The following GAREM1 variants were observed in gnomAD, a reference collection of about 807,000 sequenced individuals.
The protein encoded by GAREM1 is GRB2-associated and regulator of MAPK protein 1.
In GAREM1, 26 loss-of-function variants were observed where a neutral mutation model predicts 71.3. The observed-to-expected ratio is 0.36, with a 90% CI of 0.27 to 0.51. The LOEUF (loss-of-function observed/expected upper bound fraction) is 0.51. Ranked by LOEUF, GAREM1 falls within the 20% of genes least tolerant of loss-of-function variation. The pLI is 0.95. For synonymous variants in GAREM1, 440 were observed against 433.2 expected (o/e 1.02, Z -0.20); for missense variants, 1,026 against 1,103.1 (o/e 0.93, Z 0.99).
chr18:32,402,291 T>C (rs2048322491), intron 1 of GAREM1, among the ~76,000 whole-genome samples: 2 of 152,172 alleles, frequency 1.3e-5, no homozygotes, highest in South Asian at 4.1e-4. Context: ...TTCTGGGATA[T>C]GCTTGGATTT....
Position 32,428,947 on chromosome 18 carries a change from A to G in GAREM1, c.122-35912T>C, listed in dbSNP as rs545748177. 2.0e-5 allele frequency among the ~76,000 whole-genome samples: 3 copies of G among 148,070 alleles called. No individual in the cohort carries two copies. The East Asian group carries it at 5.9e-4, about 29-fold the overall frequency. Reference sequence around the variant, plus strand: ...CAGTAGTTCAAGTTTTTTTTTTTGTATCATCTGCAAAGCCTTAGCAAAATT... The same window carrying G: ...CAGTAGTTCAAGTTTTTTTTTTTGTGTCATCTGCAAAGCCTTAGCAAAATT... On this transcript the variant is annotated intron_variant, in intron 1 of 5. Transcript: ENST00000269209.
intron 1 of GAREM1, among the ~76,000 whole-genome samples, chr18:32,442,005 T>C (rs1256897735): frequency 6.8e-6 from 1 of 146,536 alleles, no homozygotes; most frequent in East Asian, 2.4e-4. Flanking sequence ...TTTTTTTTTT[T>C]TACAGGAAAA....
Position 32,264,922 on chromosome 18 carries a change from T to G in GAREM1, c.*2949A>C, listed in dbSNP as rs34487513. 6.6e-6 allele frequency: 1 copy of G among 152,248 alleles called. No homozygotes were observed. The highest frequency in any genetic ancestry group is 2.4e-5 in the African/African-American group (1 of 41,470). 9.4% of individuals were successfully genotyped at this position (152,248 alleles called of 1,614,324 possible). A position where few individuals can be genotyped will look rare whatever the true frequency, so the allele number is the denominator to read the frequency against. ...AGATAGACACTTCCTCTCTTTTGAT[T>G]ACAGGGGACCTGCCAGAGGAGATAA... is the stretch of plus-strand genomic sequence containing the variant. On this transcript the variant is annotated 3_prime_UTR_variant, in exon 6 of 6. Transcript: ENST00000269209.
intron 2 of GAREM1, among the ~76,000 whole-genome samples, chr18:32,376,731 G>A (rs2048033515): frequency 6.6e-6 from 1 of 152,210 alleles, no homozygotes; most frequent in Non-Finnish European, 1.5e-5. Context: ...CCAGCTACTT[G>A]GGAGGGTGAG....
intron 2 of GAREM1, among the ~76,000 whole-genome samples, chr18:32,340,909 T>C (rs2047641312): frequency 6.6e-6 from 1 of 152,144 alleles, no homozygotes; most frequent in South Asian, 2.1e-4. Flanking sequence ...GTGTGTTACA[T>C]GCCCTTGCTT....
intron 4 of GAREM1, among the ~76,000 whole-genome samples, chr18:32,275,175 G>A (rs1187545089): frequency 2.0e-5 from 3 of 152,148 alleles, no homozygotes; most frequent in Admixed American, 2.0e-4. Context: ...TGGTGAAAAT[G>A]ACAGTGACAG....
rs2041334251 is a variant in GAREM1 at position 32,263,522 on chromosome 18, C to G, written c.*4349G>C. The G allele has an allele frequency of 6.6e-6, 1 of 152,108 alleles. No individual in the cohort carries two copies. The highest frequency in any genetic ancestry group is 1.5e-5 in the Non-Finnish European group (1 of 68,028). 9.4% of individuals were successfully genotyped at this position (152,108 alleles called of 1,614,324 possible). ...TACTGAGGAACAACTGCAAGAAAAG[C>G]AACTTTGAAAATTTCTTTATTACAG... On this transcript the variant is annotated 3_prime_UTR_variant, in exon 6 of 6. Coordinates refer to ENST00000269209, the MANE Select transcript of GAREM1 (RefSeq NM_001242409.2).
intron 5 of GAREM1, 135 bp from the exon 6 acceptor site, chr18:32,268,903 C>A: frequency 1.5e-6 from 1 of 648,652 alleles, no homozygotes; most frequent in Non-Finnish European, 2.6e-6. Flanking sequence ...CTGCTAACTT[C>A]ACTGGGTTTT....
In GAREM1 at chr18:32,282,163, A is replaced by T. The variant is rs573796167; in HGVS notation, c.1566+4868T>A. On this transcript the variant is annotated intron_variant, in intron 4 of 5. Transcript: ENST00000269209. ...CTGCACCCAGGTGAAATAAACAGCC[A>T]TGTTGCTCACACAAAGCCTGTTTGG... 2.6e-5 allele frequency among the ~76,000 whole-genome samples: 4 copies of T among 152,264 alleles called. No homozygotes were observed. In the East Asian group the frequency reaches 7.7e-4, roughly 29 times the overall value.
At chr18:32,380,474 TA>T (rs35881689) in intron 2 of GAREM1, among the ~76,000 whole-genome samples, 343 of 92,440 alleles carry the variant, frequency 3.7e-3, no homozygotes, top group Middle Eastern at 0.014. Context: ...AGACTTCATT[TA>T]AAAAAAAAAA....
chr18:32,274,317 T>C (rs892448327), intron 4 of GAREM1, among the ~76,000 whole-genome samples: 1 of 152,204 alleles, frequency 6.6e-6, no homozygotes, highest in Non-Finnish European at 1.5e-5. Context: ...TCATGCAGGA[T>C]ATTTATATCC....
intron 3 of GAREM1, among the ~76,000 whole-genome samples, chr18:32,306,276 T>A (rs1221345846): frequency 2.6e-5 from 4 of 152,168 alleles, no homozygotes; most frequent in Non-Finnish European, 5.9e-5. Flanking sequence ...CTCACTGCTA[T>A]CCTATCCAGT....
intron 1 of GAREM1, among the ~76,000 whole-genome samples, chr18:32,428,700 C>T (rs2048597207): frequency 6.6e-6 from 1 of 152,094 alleles, no homozygotes; most frequent in Admixed American, 6.5e-5. Flanking sequence ...TATAGAAATG[C>T]AAGAACAGAC....
chr18:32,405,132 G>A (rs778272652), intron 1 of GAREM1, among the ~76,000 whole-genome samples: 1 of 152,064 alleles, frequency 6.6e-6, no homozygotes, highest in African/African-American at 2.4e-5. Flanking sequence ...TCCTTTTCAT[G>A]TAGAAAGGAA....
chr18:32,423,778 G>C (rs978381971), intron 1 of GAREM1, among the ~76,000 whole-genome samples: 5 of 152,112 alleles, frequency 3.3e-5, no homozygotes, highest in Non-Finnish European at 7.4e-5. Flanking sequence ...ATAGTATTTT[G>C]TACTTCAACA....
At chr18:32,452,946 G>A (rs1046762510) in intron 1 of GAREM1, among the ~76,000 whole-genome samples, 1 of 151,834 alleles carries the variant, frequency 6.6e-6, no homozygotes, top group African/African-American at 2.4e-5. Context: ...ACGTGGGTGT[G>A]TGCTTGAGTA....
At chr18:32,370,071 G>C (rs1490029118) in intron 2 of GAREM1, among the ~76,000 whole-genome samples, 1 of 152,166 alleles carries the variant, frequency 6.6e-6, no homozygotes, top group Admixed American at 6.5e-5. Flanking sequence ...TGACTGGCAG[G>C]GTGCGGGCTA....
chr18:32,357,326 A>C (rs1567977415), intron 2 of GAREM1, among the ~76,000 whole-genome samples: 1 of 152,074 alleles, frequency 6.6e-6, no homozygotes, highest in East Asian at 1.9e-4. Context: ...AAAATAAATA[A>C]ATTTTTTAAA....
intron 3 of GAREM1, among the ~76,000 whole-genome samples, chr18:32,297,317 G>GT (rs1195624690): frequency 2.6e-5 from 4 of 152,172 alleles, no homozygotes; most frequent in Non-Finnish European, 5.9e-5. Context: ...AATGCTTTTA[G>GT]TTTTTTGAGC....
Sources: allele counts gnomAD v4.1 joint callset (sites outside exome capture counted in the v4.1 genomes callset), GRCh38; gene constraint gnomAD v4.1.1; transcripts MANE v1.5; gene names NCBI Gene and HGNC (gene_info 2026-07-23, HGNC 2026-07-21).